Variants in GBF1 observed in about 807,000 individuals in gnomAD.
The protein encoded by GBF1 is Golgi-specific brefeldin A-resistance guanine nucleotide exchange factor 1.
A neutral mutation model predicts 210.5 loss-of-function variants in GBF1; 114 were observed. That is an observed-to-expected ratio of 0.54 (90% CI 0.47 to 0.63). The LOEUF (loss-of-function observed/expected upper bound fraction) is 0.63, where lower values mean the gene tolerates loss of function less well. Ranked by LOEUF, GBF1 falls within the 30% of genes least tolerant of loss-of-function variation. The probability of loss-of-function intolerance (pLI) is 0.00; values close to 1 mark genes in which losing one functional copy is unlikely to be tolerated. For missense variants in GBF1, 1,851 were observed against 2,357.7 expected (o/e 0.79, Z 4.45); for synonymous variants, 850 against 889.2 (o/e 0.96, Z 0.78).
Position 102,324,269 on chromosome 10 carries a change from C to A in GBF1, c.164-19782C>A, listed in dbSNP as rs1180128202. ...CTCACACACTATGGACGTTGCTCAA[C>A]AGAATGGGTGTGAAATTTAGTCAGA... On this transcript the variant is annotated intron_variant, in intron 3 of 39. Coordinates refer to ENST00000369983, the MANE Select transcript of GBF1 (RefSeq NM_001377137.1). Among the ~76,000 whole-genome samples, 6 of 152,308 alleles carry A rather than the reference C, an allele frequency of 3.9e-5. No individual in the cohort carries two copies. In the East Asian group the frequency reaches 1.2e-3, roughly 29 times the overall value.
chr10:102,297,505 G>T (rs2077005616), intron 3 of GBF1, among the ~76,000 whole-genome samples: 1 of 152,234 alleles, frequency 6.6e-6, no homozygotes, highest in Admixed American at 6.5e-5. Flanking sequence ...GCAAACATCA[G>T]TTGAGGAGAG....
chr10:102,360,386 C>T lies in GBF1; in HGVS notation c.1383C>T (p.His461=). 6.2e-7 allele frequency: 1 copy of T among 1,606,050 alleles called. No individual in the cohort carries two copies. The highest frequency in any genetic ancestry group is 8.5e-7 in the Non-Finnish European group (1 of 1,172,720). ...LGLIKDEMCR[H]LFQLLSIERL... ...TCATCAAGGATGAGATGTGCCGTCACTTATTCCAGGTAAGACAAGATTGCT... is the reference window on the plus strand; with the variant it reads ...TCATCAAGGATGAGATGTGCCGTCATTTATTCCAGGTAAGACAAGATTGCT... The change falls in exon 12 of 40, where the codon CAC becomes CAT. Residue 461 remains histidine, a synonymous_variant. Transcript: ENST00000369983.
intron 3 of GBF1, among the ~76,000 whole-genome samples, chr10:102,327,991 T>TC (rs2057032106): frequency 6.6e-6 from 1 of 152,242 alleles, no homozygotes; most frequent in African/African-American, 2.4e-5. Flanking sequence ...GTGTGACTTT[T>TC]CAGGGTACTG....
At chr10:102,348,279 A>G (rs889167380) in intron 4 of GBF1, among the ~76,000 whole-genome samples, 15 of 152,202 alleles carry the variant, frequency 9.9e-5, no homozygotes, top group Middle Eastern at 3.4e-3. Context: ...ACTTCATTCA[A>G]CCTCAGGGGA....
chr10:102,253,125 C>T (rs2071813623), intron 1 of GBF1, among the ~76,000 whole-genome samples: 1 of 152,064 alleles, frequency 6.6e-6, no homozygotes, highest in African/African-American at 2.4e-5. Context: ...AAACTCCTGA[C>T]CTCAGTTGAT....
Position 102,380,199 on chromosome 10 carries a change from T to G in GBF1, c.4879-50T>G, listed in dbSNP as rs780376270. 4.9e-6 allele frequency: 6 copies of G among 1,224,380 alleles called. No homozygotes were observed. The Admixed American group carries it at 5.0e-5, about 10-fold the overall frequency. 75.8% of individuals were successfully genotyped at this position (1,224,380 alleles called of 1,614,324 possible). On this transcript the variant is annotated intron_variant, in intron 36 of 39. Transcript: ENST00000369983. ...TTAGCTACCCAGCCTCAGAGAGGGG[T>G]CCAGAGGCTCCTACAGTCCCCTCAG... is the stretch of plus-strand genomic sequence containing the variant.
chr10:102,263,609 C>A (rs748016298), intron 3 of GBF1, among the ~76,000 whole-genome samples: 12 of 152,046 alleles, frequency 7.9e-5, no homozygotes, highest in Non-Finnish European at 1.0e-4. Context: ...CTACACTACT[C>A]CTCCAGGAAT....
At chr10:102,320,421 G>T (rs888497911) in intron 3 of GBF1, among the ~76,000 whole-genome samples, 1 of 152,092 alleles carries the variant, frequency 6.6e-6, no homozygotes, top group Non-Finnish European at 1.5e-5. Context: ...TTTTTGATCT[G>T]CAAAATTATA....
intron 1 of GBF1, among the ~76,000 whole-genome samples, chr10:102,254,892 C>G (rs1351936843): frequency 6.6e-6 from 1 of 152,072 alleles, no homozygotes; most frequent in Non-Finnish European, 1.5e-5. Context: ...CCATTGGCTA[C>G]CAGGCAGCAA....
chr10:102,235,644 A>G, the GBF1 span, among the ~76,000 whole-genome samples: 7 of 152,344 alleles, frequency 4.6e-5, no homozygotes, highest in African/African-American at 1.7e-4. Context: ...CACTCATTAA[A>G]CAAATGTTTA....
At chr10:102,312,386 T>C (rs940532920) in intron 3 of GBF1, among the ~76,000 whole-genome samples, 1 of 152,142 alleles carries the variant, frequency 6.6e-6, no homozygotes, top group African/African-American at 2.4e-5. Context: ...GGGTCTCTTC[T>C]CTTTTGCTTA....
rs1478705723 is a variant in GBF1 at position 102,274,395 on chromosome 10, A to T, written c.163+14279A>T. 2.0e-5 allele frequency among the ~76,000 whole-genome samples: 3 copies of T among 151,682 alleles called. No homozygotes were observed. The East Asian group carries it at 5.8e-4, about 29-fold the overall frequency. On this transcript the variant is annotated intron_variant, in intron 3 of 39. Transcript: ENST00000369983. ...TGGAAATTCTGTGCATGGCAGCTTCATTAGCTGCTTTTAGGGCCTTGAATG... is the reference window on the plus strand; with the variant it reads ...TGGAAATTCTGTGCATGGCAGCTTCTTTAGCTGCTTTTAGGGCCTTGAATG...
At chr10:102,360,650 G>A (rs902852952) in intron 12 of GBF1, among the ~76,000 whole-genome samples, 1 of 152,170 alleles carries the variant, frequency 6.6e-6, no homozygotes, top group African/African-American at 2.4e-5. Flanking sequence ...TGCCTCTTCT[G>A]CCTCTCTTGG....
intron 1 of GBF1, among the ~76,000 whole-genome samples, chr10:102,253,821 A>G (rs917289031): frequency 6.6e-6 from 1 of 152,238 alleles, no homozygotes; most frequent in Non-Finnish European, 1.5e-5. Context: ...AAGTATTATC[A>G]GATTTAAAGT....
At chr10:102,322,326 G>A (rs956667911) in intron 3 of GBF1, among the ~76,000 whole-genome samples, 1 of 152,012 alleles carries the variant, frequency 6.6e-6, no homozygotes, top group Non-Finnish European at 1.5e-5. Flanking sequence ...AATATATTTG[G>A]CCTCCCTAAC....
intron 38 of GBF1, among the ~76,000 whole-genome samples, 194 bp from the exon 39 acceptor site, chr10:102,380,933 G>A (rs1386930984): frequency 6.6e-6 from 1 of 152,082 alleles, no homozygotes; most frequent in Non-Finnish European, 1.5e-5. Flanking sequence ...ACTTGAACCC[G>A]GGAAGTGGAG....
intron 1 of GBF1, among the ~76,000 whole-genome samples, 155 bp from the exon 2 acceptor site, chr10:102,258,774 C>CAAAAAAAAAAAAA (rs74634439): frequency 2.5e-5 from 2 of 79,668 alleles, no homozygotes; most frequent in Non-Finnish European, 5.6e-5. Context: ...AACTCTGCCT[C>CAAAAAAAAAAAAA]AAAAAAAAAA....
chr10:102,232,185 G>A, the GBF1 span: 3 of 742,782 alleles, frequency 4.0e-6, no homozygotes, highest in Non-Finnish European at 4.7e-6. Context: ...ATTCCCTGGC[G>A]CCTTTCTCAA....
Position 102,361,788 on chromosome 10 carries a change from T to C in GBF1, c.1562T>C (p.Met521Thr). ...AAGATGCCTTATGAGATGAAGGAGATGGCACTGGAGGCCATTGTGCAGCTC... is the reference window on the plus strand; with the variant it reads ...AAGATGCCTTATGAGATGAAGGAGACGGCACTGGAGGCCATTGTGCAGCTC... ...NPKMPYEMKE[M>T]ALEAIVQLWR... Residue 521 changes from methionine to threonine, a missense_variant, in exon 14 of 40, where the codon ATG (methionine) becomes ACG (threonine). Coordinates refer to ENST00000369983, the MANE Select transcript of GBF1 (RefSeq NM_001377137.1). 2 of 1,610,436 alleles carry C rather than the reference T, an allele frequency of 1.2e-6. No homozygotes were observed. Among genetic ancestry groups the C allele is most frequent in the Middle Eastern group, 3.3e-4 (2 of 6,048 alleles).
Sources: gnomAD v4.1 joint callset for allele counts (sites outside exome capture counted in the v4.1 genomes callset) on GRCh38, gnomAD v4.1.1 for gene constraint, MANE v1.5 for transcripts, NCBI Gene and HGNC (gene_info 2026-07-23, HGNC 2026-07-21) for gene names.